Variants in PIGU observed in about 807,000 individuals in gnomAD.
PIGU encodes the protein GPI-anchor transamidase component PIGU.
PIGU carries 24 observed loss-of-function variants against 49.9 expected under a neutral mutation model. The observed-to-expected ratio is 0.48, with a 90% CI of 0.35 to 0.68. The LOEUF (loss-of-function observed/expected upper bound fraction) is 0.68. Ranked by LOEUF, PIGU falls within the 30% of genes least tolerant of loss-of-function variation. The probability of loss-of-function intolerance (pLI) is 0.01; values close to 1 mark genes in which losing one functional copy is unlikely to be tolerated. For missense variants in PIGU, 490 were observed against 532.6 expected, an observed-to-expected ratio of 0.92 and a Z score of 0.79; for synonymous variants, 220 against 205.7, an observed-to-expected ratio of 1.07 and a Z score of -0.59.
chr20:34,629,887 G>A (rs1985637565), intron 6 of PIGU, among the ~76,000 whole-genome samples: 1 of 152,100 alleles, frequency 6.6e-6, no homozygotes, highest in African/African-American at 2.4e-5. Context: ...AAAATAAGGG[G>A]AGATTATAGC....
intron 7 of PIGU, among the ~76,000 whole-genome samples, chr20:34,602,114 T>C (rs1984446858): frequency 6.6e-6 from 1 of 152,050 alleles, no homozygotes; most frequent in Non-Finnish European, 1.5e-5. Context: ...AAAACCCGTC[T>C]CCATTAAAAA....
In PIGU at chr20:34,676,962, TC is replaced by T; in HGVS notation, c.123del (p.Trp41Ter). The T allele has an allele frequency of 6.4e-7, 1 of 1,572,384 alleles. No homozygotes were observed. Among genetic ancestry groups the T allele is most frequent in the Non-Finnish European group, 8.6e-7 (1 of 1,159,960 alleles). On this transcript the variant is annotated frameshift_variant, in exon 1 of 12. Coordinates refer to ENST00000217446, the MANE Select transcript of PIGU (RefSeq NM_080476.5). LOFTEE classifies it high-confidence loss of function. Reference sequence around the variant, plus strand: ...CTCGAGCCAGTGGCCTCACCTCTCTTCCAAGAGCTCAGTGGGGACACCACCT... The same window carrying T: ...CTCGAGCCAGTGGCCTCACCTCTCTTCAAGAGCTCAGTGGGGACACCACCT... ...RVEVVSPLSS[W>X]KRVVEGLSLL...
At position 34,674,441 on chromosome 20, in the gene PIGU, T is replaced by G. The variant is rs923890516; in HGVS notation, c.130+2515A>C. Among the ~76,000 whole-genome samples, 75 of 152,216 alleles carry G rather than the reference T, an allele frequency of 4.9e-4. 1 individual carries two copies. The highest frequency in any genetic ancestry group is 4.3e-3 in the Admixed American group (65 of 15,270). On this transcript the variant is annotated intron_variant, in intron 1 of 11. Coordinates refer to ENST00000217446, the MANE Select transcript of PIGU (RefSeq NM_080476.5). ...TTCTGAGATTCCAGACCCTGCACTC[T>G]TAATTACCAAACAACACTGTCTCAT...
intron 1 of PIGU, among the ~76,000 whole-genome samples, chr20:34,658,924 A>G (rs559275286): frequency 1.0e-3 from 153 of 147,198 alleles, no homozygotes; most frequent in African/African-American, 3.7e-3. Context: ...CCGCCAGGCC[A>G]GCCGCCCCGT....
At chr20:34,660,245 T>C (rs1986890629) in intron 1 of PIGU, among the ~76,000 whole-genome samples, 1 of 152,062 alleles carries the variant, frequency 6.6e-6, no homozygotes, top group African/African-American at 2.4e-5. Context: ...CAATGGATGC[T>C]AAAATTAGTG....
chr20:34,614,481 C>T (rs1277177441), intron 7 of PIGU, among the ~76,000 whole-genome samples: 2 of 151,140 alleles, frequency 1.3e-5, no homozygotes, highest in African/African-American at 2.4e-5. Context: ...AAAAATTAGC[C>T]GGGTGTGGTG....
intron 10 of PIGU, among the ~76,000 whole-genome samples, chr20:34,575,486 G>C (rs1983188145): frequency 6.6e-6 from 1 of 152,166 alleles, no homozygotes; most frequent in African/African-American, 2.4e-5. Flanking sequence ...TGTGGGCTTG[G>C]CTGGCTGAAG....
intron 7 of PIGU, among the ~76,000 whole-genome samples, chr20:34,611,401 C>T (rs1486070349): frequency 7.9e-5 from 12 of 152,036 alleles, no homozygotes; most frequent in African/African-American, 2.9e-4. Context: ...AATCTCAGCA[C>T]TTTGGGAGGC....
At chr20:34,675,520 C>T (rs982588599) in intron 1 of PIGU, among the ~76,000 whole-genome samples, 2 of 152,130 alleles carry the variant, frequency 1.3e-5, no homozygotes, top group African/African-American at 4.8e-5. Context: ...AACTAGGAAA[C>T]CTGGGCAAAT....
chr20:34,597,621 C>T (rs1984250866), intron 7 of PIGU, among the ~76,000 whole-genome samples: 1 of 152,024 alleles, frequency 6.6e-6, no homozygotes, highest in Admixed American at 6.6e-5. Context: ...TAATGAACTC[C>T]AGTTGATGCT....
intron 1 of PIGU, among the ~76,000 whole-genome samples, chr20:34,675,921 T>C (rs1451211397): frequency 6.6e-6 from 1 of 152,146 alleles, no homozygotes; most frequent in Non-Finnish European, 1.5e-5. Flanking sequence ...GTGCTGATAC[T>C]GTTTCTTGAA....
chr20:34,562,356 T>C (rs970143904), intron 11 of PIGU: 8 of 1,192,218 alleles, frequency 6.7e-6, no homozygotes, highest in Non-Finnish European at 8.6e-6. Flanking sequence ...AGCACTTGGC[T>C]ATGGTCTTGG....
chr20:34,638,215 A>G (rs1440108282), intron 4 of PIGU, among the ~76,000 whole-genome samples: 1 of 152,012 alleles, frequency 6.6e-6, no homozygotes, highest in Non-Finnish European at 1.5e-5. Context: ...GACCTGGAAT[A>G]ATTTCTTCTT....
intron 9 of PIGU, among the ~76,000 whole-genome samples, chr20:34,585,033 C>T (rs926119333): frequency 2.6e-5 from 4 of 152,056 alleles, no homozygotes; most frequent in Admixed American, 6.5e-5. Flanking sequence ...CAGGATCTTG[C>T]TATGTTGTCC....
intron 6 of PIGU, among the ~76,000 whole-genome samples, chr20:34,623,546 G>T (rs958879420): frequency 9.2e-5 from 14 of 152,148 alleles, no homozygotes; most frequent in Admixed American, 8.5e-4. Context: ...TTTGTCTGGG[G>T]TCACGAAACT....
intron 11 of PIGU, among the ~76,000 whole-genome samples, chr20:34,568,877 G>A (rs1982887003): frequency 6.6e-6 from 1 of 152,212 alleles, no homozygotes; most frequent in Non-Finnish European, 1.5e-5. Context: ...GCAGTGGCTT[G>A]AGGAGTAGGG....
intron 4 of PIGU, among the ~76,000 whole-genome samples, chr20:34,638,813 G>A (rs971375853): frequency 6.6e-6 from 1 of 152,174 alleles, no homozygotes; most frequent in African/African-American, 2.4e-5. Context: ...GTTCATGGGT[G>A]TGTTCCAGAG....
chr20:34,571,328 T>C (rs998360104), intron 11 of PIGU, among the ~76,000 whole-genome samples: 3 of 152,176 alleles, frequency 2.0e-5, no homozygotes, highest in African/African-American at 7.2e-5. Context: ...CTGGTTTACC[T>C]GCCGGTATAA....
intron 11 of PIGU, among the ~76,000 whole-genome samples, chr20:34,571,407 T>TA (rs916478404): frequency 1.2e-4 from 18 of 151,674 alleles, no homozygotes; most frequent in African/African-American, 1.9e-4. Context: ...GAGCAGGATT[T>TA]AAAAAAAAAT....
Sources: gnomAD v4.1 joint callset for allele counts (sites outside exome capture counted in the v4.1 genomes callset) on GRCh38, gnomAD v4.1.1 for gene constraint, MANE v1.5 for transcripts, NCBI Gene and HGNC (gene_info 2026-07-23, HGNC 2026-07-21) for gene names.